ALDH4A1: variants seen among roughly 807,000 people sequenced by gnomAD.
The protein encoded by ALDH4A1 is delta-1-pyrroline-5-carboxylate dehydrogenase, mitochondrial.
ALDH4A1 carries 46 observed loss-of-function variants against 70.5 expected under a neutral mutation model. The ratio of observed to expected loss-of-function variants is 0.65; its 90% CI spans 0.51 to 0.83. The LOEUF (loss-of-function observed/expected upper bound fraction) is 0.83. Ranked by LOEUF, ALDH4A1 falls within the 40% of genes least tolerant of loss-of-function variation. The probability of loss-of-function intolerance (pLI) is 0.00; values close to 1 mark genes in which losing one functional copy is unlikely to be tolerated. For synonymous variants in ALDH4A1, 323 were observed against 324.3 expected (o/e 1.00, Z 0.04); for missense variants, 749 against 766.5 (o/e 0.98, Z 0.27).
At chr1:18,888,997 T>G (rs1175245874) in intron 3 of ALDH4A1, among the ~76,000 whole-genome samples, 2 of 152,204 alleles carry the variant, frequency 1.3e-5, no homozygotes, top group Non-Finnish European at 2.9e-5. Context: ...ATGGATAAAC[T>G]CCAAGCATGG....
At chr1:18,890,550 AAAC>A (rs775143312) in intron 1 of ALDH4A1, 108 of 405,716 alleles carry the variant, frequency 2.7e-4, no homozygotes, top group Admixed American at 8.5e-4. Context: ...CTCCATCTCA[AAAC>A]AACAACAAAA....
In ALDH4A1 at chr1:18,884,546, G is replaced by A. The variant is rs925390208; in HGVS notation, c.453+927C>T. 2.0e-5 allele frequency among the ~76,000 whole-genome samples: 3 copies of A among 152,188 alleles called. 1 individual carries two copies. The highest frequency in any genetic ancestry group is 2.9e-5 in the Non-Finnish European group (2 of 68,024). On this transcript the variant is annotated intron_variant, in intron 5 of 14. Transcript: ENST00000375341. ...CTCAACTTGCATTTAGCAGGGTGAG[G>A]AGCTGTCATGCCAGCTCTGTGCAGA...
intron 5 of ALDH4A1, 46 bp downstream of exon 5, chr1:18,885,427 T>TTGC: frequency 1.5e-6 from 1 of 650,920 alleles, no homozygotes; most frequent in Non-Finnish European, 2.7e-6. Context: ...CACACCTGAC[T>TTGC]CCCACCCCAC....
chr1:18,884,028 C>G, intron 5 of ALDH4A1, among the ~76,000 whole-genome samples: 1 of 152,172 alleles, frequency 6.6e-6, no homozygotes, highest in East Asian at 1.9e-4. Flanking sequence ...CGGGGCTTTT[C>G]CAGATTGACG....
In ALDH4A1 at chr1:18,877,524, G is replaced by A. The variant is rs576948956; in HGVS notation, c.1029C>T (p.Tyr343=). 2.6e-5 allele frequency: 42 copies of A among 1,611,496 alleles called. No individual in the cohort carries two copies. In the East Asian group the frequency reaches 3.6e-4, roughly 14 times the overall value. ...VSGTLRSAFE[Y]GGQKCSACSR... is the part of the protein sequence containing the mutation. ...AGCACGCGGAACACTTCTGGCCACC[G>A]TACTCGAAGGCTGAGCGGAGGGTCC... The change falls in exon 10 of 15, where the codon TAC becomes TAT. Residue 343 remains tyrosine, a synonymous_variant. Transcript: ENST00000375341.
At chr1:18,893,494 A>G (rs1167865387) in intron 1 of ALDH4A1, among the ~76,000 whole-genome samples, 2 of 151,980 alleles carry the variant, frequency 1.3e-5, no homozygotes, top group African/African-American at 2.4e-5. Flanking sequence ...ATGCACAGCA[A>G]ATCAGTAGCT....
chr1:18,889,477 G>T, intron 2 of ALDH4A1, 23 bp from the exon 3 acceptor site: 1 of 1,543,768 alleles, frequency 6.5e-7, no homozygotes, highest in Non-Finnish European at 8.8e-7. Context: ...ACAAGAGTGG[G>T]TATGGTCACC....
At position 18,882,328 on chromosome 1, in the gene ALDH4A1, C is replaced by T. The variant is rs141280038; in HGVS notation, c.679-441G>A. ...TTGTCTGTGCACAGATGCATGAGGA[C>T]GTCCCCATCCATGTCCCTAGTACAC... On this transcript the variant is annotated intron_variant, in intron 7 of 14. Transcript: ENST00000375341. 7.7e-3 allele frequency among the ~76,000 whole-genome samples: 1,171 copies of T among 152,216 alleles called. 25 individuals carry two copies. The highest frequency in any genetic ancestry group is 0.027 in the African/African-American group (1,106 of 41,536).
Position 18,886,473 on chromosome 1 carries a change from A to C in ALDH4A1, c.288T>G (p.Tyr96Ter). 6.2e-7 allele frequency: 1 copy of C among 1,614,212 alleles called. No individual in the cohort carries two copies. Among genetic ancestry groups the C allele is most frequent in the Non-Finnish European group, 8.5e-7 (1 of 1,180,034 alleles). ...ACACAGGCTCACTCACCTTGTCTGC[A>C]TAACAGAACTTGGCCACCTTATGTC... ...NHGHKVAKFC[Y>*]ADKSLLNKAI... Residue 96 changes from tyrosine to a stop codon, truncating the protein, a stop_gained, in exon 4 of 15, where the codon TAT becomes TAG. Coordinates refer to ENST00000375341, the MANE Select transcript of ALDH4A1 (RefSeq NM_003748.4). LOFTEE classifies it high-confidence loss of function.
rs141755639 is a variant in ALDH4A1 at position 18,885,512 on chromosome 1, C to T, written c.414G>A (p.Pro138=). The T allele has an allele frequency of 8.0e-5, 127 of 1,594,976 alleles. No individual in the cohort carries two copies. The East Asian group carries it at 1.6e-3, about 20-fold the overall frequency. Residue 138 remains proline (P), a synonymous_variant, in exon 5 of 15, where the codon CCG becomes CCA. Transcript: ENST00000375341. Reference sequence around the variant, plus strand: ...TCTTGGCGAGGATCTCAGCCCTGCGCGGCCCACTCAGCATGTCTGCCGCCT... The same window carrying T: ...TCTTGGCGAGGATCTCAGCCCTGCGTGGCCCACTCAGCATGTCTGCCGCCT... ...FLKAADMLSG[P]RRAEILAKTM...
intron 1 of ALDH4A1, among the ~76,000 whole-genome samples, chr1:18,893,096 G>A (rs1261458360): frequency 4.6e-5 from 7 of 152,166 alleles, no homozygotes; most frequent in Non-Finnish European, 7.3e-5. Context: ...GCCGAGAAGC[G>A]GGACTCCAAA....
chr1:18,886,558 G>A, intron 3 of ALDH4A1, 47 bp from the exon 4 acceptor site: 1 of 1,599,824 alleles, frequency 6.3e-7, no homozygotes, highest in Non-Finnish European at 8.6e-7. Flanking sequence ...GGAGGTGCCA[G>A]GATAAGGATG....
At chr1:18,882,802 C>T in intron 7 of ALDH4A1, 1 of 590,860 alleles carries the variant, frequency 1.7e-6, no homozygotes, top group African/African-American at 1.8e-5. Context: ...CGGGCCAGCC[C>T]TGCCTGCTGC....
chr1:18,873,792 T>A (rs1028370582), intron 14 of ALDH4A1, among the ~76,000 whole-genome samples: 16 of 152,140 alleles, frequency 1.1e-4, no homozygotes, highest in African/African-American at 3.9e-4. Flanking sequence ...TAAGCACGCT[T>A]CCCCTCGGTT....
intron 12 of ALDH4A1, among the ~76,000 whole-genome samples, chr1:18,875,781 TCC>T (rs1456885057): frequency 6.6e-6 from 1 of 152,024 alleles, no homozygotes; most frequent in African/African-American, 2.4e-5. Flanking sequence ...GAACTAAGGG[TCC>T]AGGTCCCAGA....
At chr1:18,897,729 A>G (rs1331462311) in intron 1 of ALDH4A1, among the ~76,000 whole-genome samples, 1 of 152,220 alleles carries the variant, frequency 6.6e-6, no homozygotes, top group Non-Finnish European at 1.5e-5. Context: ...GACTTACAGT[A>G]TGGCTGAAGC....
intron 13 of ALDH4A1, among the ~76,000 whole-genome samples, chr1:18,874,840 T>C (rs1934603796): frequency 6.6e-6 from 1 of 152,222 alleles, no homozygotes; most frequent in Non-Finnish European, 1.5e-5. Context: ...GAGTGGCCTG[T>C]CCTGGTCCAA....
chr1:18,884,078 G>A (rs1429647545), intron 5 of ALDH4A1, among the ~76,000 whole-genome samples: 2 of 152,144 alleles, frequency 1.3e-5, no homozygotes, highest in African/African-American at 4.8e-5. Context: ...GCAGGTGCAC[G>A]ACCTATTAGA....
rs1220132968 is a variant in ALDH4A1, at chr1:18,881,904, T to C, written c.679-17A>G. On this transcript the variant is annotated splice_polypyrimidine_tract_variant and intron_variant, in intron 7 of 14. Transcript: ENST00000375341. ...CACGTTGCCCTGCCCGGGAGGTGTT[T>C]CAGTGATGCATGAGGATGGCGCCAC... The C allele has an allele frequency of 2.5e-6, 4 of 1,611,232 alleles. No homozygotes were observed. The highest frequency in any genetic ancestry group is 3.3e-5 in the Admixed American group (2 of 59,912).
Sources: gnomAD v4.1 joint callset for allele counts (sites outside exome capture counted in the v4.1 genomes callset) on GRCh38, gnomAD v4.1.1 for gene constraint, MANE v1.5 for transcripts, NCBI Gene and HGNC (gene_info 2026-07-23, HGNC 2026-07-21) for gene names.